EZR: variants seen among roughly 807,000 people sequenced by gnomAD.
EZR encodes the protein ezrin.
A neutral mutation model predicts 74.8 loss-of-function variants in EZR; 40 were observed. The observed-to-expected ratio is 0.53, with a 90% CI of 0.42 to 0.70. The LOEUF is 0.70. EZR is among the 30% of genes least tolerant of loss of function. The pLI, the probability that EZR is intolerant of heterozygous loss-of-function variation, is 0.00. For missense variants in EZR, 678 were observed against 755.8 expected, an observed-to-expected ratio of 0.90 and a Z score of 1.21; for synonymous variants, 341 against 283.3, an observed-to-expected ratio of 1.20 and a Z score of -2.05.
At position 158,802,474 on chromosome 6, in the gene EZR, C is replaced by G. The variant is rs555552090; in HGVS notation, c.13-13103G>C. Among the ~76,000 whole-genome samples, 8 of 152,246 alleles carry G rather than the reference C, an allele frequency of 5.3e-5. No homozygotes were observed. In the South Asian group the frequency reaches 1.7e-3, roughly 32 times the overall value. On this transcript the variant is annotated intron_variant, in intron 2 of 13. Transcript: ENST00000367075. Reference sequence around the variant, plus strand: ...TTTACAAACACCTTATAGTTTAGTTCTTCTGGAATATTTGTATACTTCTAC... The same window carrying G: ...TTTACAAACACCTTATAGTTTAGTTGTTCTGGAATATTTGTATACTTCTAC...
chr6:158,813,129 T>A (rs1282084068), intron 2 of EZR, among the ~76,000 whole-genome samples: 2 of 152,200 alleles, frequency 1.3e-5, no homozygotes, highest in African/African-American at 4.8e-5. Flanking sequence ...TGGCCTGACC[T>A]GTCTTCCTCT....
intron 2 of EZR, among the ~76,000 whole-genome samples, chr6:158,795,805 AT>A (rs1777058757): frequency 1.3e-5 from 2 of 152,182 alleles, no homozygotes; most frequent in South Asian, 4.1e-4. Flanking sequence ...TCCACAAGTG[AT>A]TTTGAGGAGG....
At chr6:158,802,375 A>G (rs1777204440) in intron 2 of EZR, among the ~76,000 whole-genome samples, 1 of 151,684 alleles carries the variant, frequency 6.6e-6, no homozygotes. Flanking sequence ...CAAGTCTGGC[A>G]GAAAGGAAAA....
rs777592899 is a variant in EZR, at chr6:158,785,481, G to T, written c.295C>A (p.Gln99Lys). Reference sequence around the variant, plus strand: ...TTCACTTGGAGGAAGAAAAGTTTCTGGGTGATGTCCTGGATGAGCTCCTCA... The same window carrying T: ...TTCACTTGGAGGAAGAAAAGTTTCTTGGTGATGTCCTGGATGAGCTCCTCA... ...VAEELIQDIT[Q>K]KLFFLQVKEG... The change falls in exon 5 of 14, where the codon CAG becomes AAG. Residue 99 changes from glutamine to lysine, a missense_variant. Gln to Lys is a moderately conservative substitution (Grantham distance 53). Around this residue, in one of 3 missense-constraint regions of EZR, gnomAD observed 217 missense variants for 232.2 expected, o/e 0.93. Transcript: ENST00000367075. 6.2e-7 allele frequency: 1 copy of T among 1,614,204 alleles called. No homozygotes were observed. The highest frequency in any genetic ancestry group is 1.1e-5 in the South Asian group (1 of 91,080).
intron 2 of EZR, among the ~76,000 whole-genome samples, chr6:158,809,211 A>C (rs973931628): frequency 1.6e-5 from 2 of 125,294 alleles, no homozygotes; most frequent in African/African-American, 5.6e-5. Context: ...TGAGTGCAGT[A>C]AAGTGGGGCA....
intron 2 of EZR, among the ~76,000 whole-genome samples, chr6:158,794,276 A>AAACCACCAC (rs1424040998): frequency 2.6e-5 from 4 of 152,120 alleles, no homozygotes; most frequent in African/African-American, 9.7e-5. Context: ...CGAAGACTCA[A>AAACCACCAC]AACCACCACA....
chr6:158,789,720 C>T (rs998555878), intron 2 of EZR, among the ~76,000 whole-genome samples: 17 of 152,340 alleles, frequency 1.1e-4, no homozygotes, highest in African/African-American at 3.4e-4. Flanking sequence ...CAGGCTCACA[C>T]GAACGCCTCC....
At chr6:158,813,817 T>C (rs1583591699) in intron 2 of EZR, among the ~76,000 whole-genome samples, 1 of 152,346 alleles carries the variant, frequency 6.6e-6, no homozygotes, top group East Asian at 1.9e-4. Flanking sequence ...GTAAGATGTG[T>C]TGGAGCCACT....
Position 158,776,395 on chromosome 6 carries a change from C to G in EZR, c.795+13G>C. 6.2e-7 allele frequency: 1 copy of G among 1,601,458 alleles called. No homozygotes were observed. Among genetic ancestry groups the G allele is most frequent in the Non-Finnish European group, 8.6e-7 (1 of 1,168,484 alleles). ...AAAACAGTAGCCCCTGAATAGAATC[C>G]TTTGGAACTTACAGGTGCCTTCTTG... On this transcript the variant is annotated intron_variant, in intron 8 of 13. Coordinates refer to ENST00000367075, the MANE Select transcript of EZR (RefSeq NM_001111077.2).
intron 8 of EZR, 123 bp from the exon 9 acceptor site, chr6:158,771,530 G>C (rs1247709182): frequency 9.5e-7 from 1 of 1,056,304 alleles, no homozygotes; most frequent in Non-Finnish European, 1.3e-6. Context: ...AGGGATGGCA[G>C]CATCTCGGCA....
intron 2 of EZR, among the ~76,000 whole-genome samples, chr6:158,816,225 A>G (rs981534555): frequency 6.6e-6 from 1 of 152,224 alleles, no homozygotes; most frequent in South Asian, 2.1e-4. Flanking sequence ...CTGGGAAGAT[A>G]AAGTTCTGGA....
chr6:158,817,401 C>T (rs1486715767), intron 2 of EZR, among the ~76,000 whole-genome samples: 3 of 152,210 alleles, frequency 2.0e-5, no homozygotes, highest in Admixed American at 6.5e-5. Flanking sequence ...GGCGCAGGCA[C>T]AGCCCTTTCA....
At chr6:158,783,382 C>T in intron 7 of EZR, 138 bp downstream of exon 7, 1 of 272,364 alleles carries the variant, frequency 3.7e-6, no homozygotes, top group South Asian at 4.5e-5. Context: ...AGTCCAAAAG[C>T]CCTTTAAAAA....
intron 2 of EZR, among the ~76,000 whole-genome samples, chr6:158,804,680 G>A (rs1399680737): frequency 6.6e-6 from 1 of 151,866 alleles, no homozygotes; most frequent in Non-Finnish European, 1.5e-5. Context: ...AAGGCCTATA[G>A]ATTAAACATC....
intron 1 of EZR, 86 bp from the exon 2 acceptor site, chr6:158,818,252 T>A: frequency 1.5e-6 from 1 of 684,888 alleles, no homozygotes; most frequent in South Asian, 2.2e-5. Context: ...CGCAGCGCGC[T>A]GCCGCTTAAG....
chr6:158,789,351 G>T lies in EZR; in HGVS notation c.33C>A (p.Thr11=). Residue 11 remains threonine (T), a synonymous_variant, in exon 3 of 14, where the codon ACC becomes ACA. Transcript: ENST00000367075. MPKPINVRVT[T]MDAELEFAIQ... The stretch of plus-strand genomic sequence containing the variant: ...TTGCAAACTCCAGCTCTGCATCCAT[G>T]GTGGTAACTCGGACATTGATCTGAA... The T allele has an allele frequency of 6.2e-7, 1 of 1,614,042 alleles. No homozygotes were observed. Among genetic ancestry groups the T allele is most frequent in the Non-Finnish European group, 8.5e-7 (1 of 1,179,932 alleles).
rs2128565003 is a variant in EZR at position 158,769,964 on chromosome 6, G to A, written c.1091-20C>T. ...AGAGCTCTGCAAAGACACAAAGCCA[G>A]AGCCATTCAAACCCTCAGCCCAGGG... On this transcript the variant is annotated intron_variant, in intron 10 of 13. Transcript: ENST00000367075. 1 of 1,606,368 alleles carries A rather than the reference G, an allele frequency of 6.2e-7. No individual in the cohort carries two copies. Among genetic ancestry groups the A allele is most frequent in the Non-Finnish European group, 8.5e-7 (1 of 1,179,690 alleles).
At chr6:158,790,376 A>G (rs1055110079) in intron 2 of EZR, among the ~76,000 whole-genome samples, 1 of 152,212 alleles carries the variant, frequency 6.6e-6, no homozygotes, top group Non-Finnish European at 1.5e-5. Flanking sequence ...TAGTTGTTTT[A>G]AAAAAACAAA....
At chr6:158,780,387 A>G (rs1791404359) in intron 7 of EZR, among the ~76,000 whole-genome samples, 1 of 152,198 alleles carries the variant, frequency 6.6e-6, no homozygotes, top group Admixed American at 6.5e-5. Context: ...AGTATATCAT[A>G]TGCACTTTCA....
Sources: allele counts gnomAD v4.1 joint callset (sites outside exome capture counted in the v4.1 genomes callset), GRCh38; gene constraint gnomAD v4.1.1; regional missense constraint gnomAD v4.1.1; transcripts MANE v1.5; gene names NCBI Gene and HGNC (gene_info 2026-07-23, HGNC 2026-07-21).